SORCS2: variants seen among roughly 807,000 people sequenced by gnomAD.
The protein encoded by SORCS2 is VPS10 domain-containing receptor SorCS2.
In SORCS2, 100 loss-of-function variants were observed where a neutral mutation model predicts 141.6. The observed-to-expected ratio is 0.71, with a 90% CI of 0.60 to 0.83. The LOEUF (loss-of-function observed/expected upper bound fraction) is 0.83, where lower values mean the gene tolerates loss of function less well. SORCS2 is among the 40% of genes least tolerant of loss of function. The pLI, the probability that SORCS2 is intolerant of heterozygous loss-of-function variation, is 0.00. For missense variants in SORCS2, 1,646 were observed against 1,560.2 expected, an observed-to-expected ratio of 1.05 and a Z score of -0.93; for synonymous variants, 789 against 676.9, an observed-to-expected ratio of 1.17 and a Z score of -2.57.
chr4:7,557,535 C>T (rs1278305177), intron 3 of SORCS2, among the ~76,000 whole-genome samples: 1 of 152,158 alleles, frequency 6.6e-6, no homozygotes, highest in Non-Finnish European at 1.5e-5. Context: ...GATGAATAAC[C>T]AACTATGGAG....
At chr4:7,536,829 A>ACG (rs1712161596) in intron 3 of SORCS2, among the ~76,000 whole-genome samples, 1 of 6,406 alleles carries the variant, frequency 1.6e-4, no homozygotes, top group African/African-American at 2.2e-4. Flanking sequence ...CCATACTCAG[A>ACG]TGTGGGGGGG....
At chr4:7,307,065 G>C (rs987683180) in intron 1 of SORCS2, among the ~76,000 whole-genome samples, 6 of 152,216 alleles carry the variant, frequency 3.9e-5, no homozygotes, top group African/African-American at 1.4e-4. Context: ...AAGGGGTCCT[G>C]CTGTGATTGG....
At chr4:7,534,960 G>A (rs899838814) in intron 3 of SORCS2, among the ~76,000 whole-genome samples, 4 of 152,216 alleles carry the variant, frequency 2.6e-5, no homozygotes, top group African/African-American at 9.6e-5. Flanking sequence ...CGAGGCTCCT[G>A]CTCTCCCCTC....
chr4:7,555,245 T>G (rs1714022556), intron 3 of SORCS2, among the ~76,000 whole-genome samples: 1 of 152,252 alleles, frequency 6.6e-6, no homozygotes, highest in Non-Finnish European at 1.5e-5. Flanking sequence ...CTGTCTTGTT[T>G]TAATGGCCAC....
intron 1 of SORCS2, 94 bp from the exon 2 acceptor site, chr4:7,396,194 C>A: frequency 1.6e-6 from 2 of 1,233,704 alleles, no homozygotes; most frequent in East Asian, 2.5e-5. Flanking sequence ...ATTTAGAGAC[C>A]CCAAATTCTG....
rs1327068903 is a variant in SORCS2, at chr4:7,334,945, T to A, written c.481-61343T>A. Among the ~76,000 whole-genome samples, 5 of 151,944 alleles carry A rather than the reference T, an allele frequency of 3.3e-5. No homozygotes were observed. The East Asian group carries it at 9.7e-4, about 29-fold the overall frequency. On this transcript the variant is annotated intron_variant, in intron 1 of 26. Transcript: ENST00000507866. ...GAGGGAAGTGCTCTGAGGCTGAGGA[T>A]TAGGAGACGGGTGTGGAGGGAGGGA...
chr4:7,541,706 A>G (rs1057115104), intron 3 of SORCS2, among the ~76,000 whole-genome samples: 1 of 152,242 alleles, frequency 6.6e-6, no homozygotes, highest in African/African-American at 2.4e-5. Flanking sequence ...GTTGCAGACC[A>G]GAGGCACAGC....
At chr4:7,454,608 C>A (rs1273643047) in intron 2 of SORCS2, among the ~76,000 whole-genome samples, 5 of 99,078 alleles carry the variant, frequency 5.0e-5, no homozygotes, top group South Asian at 4.1e-4. Flanking sequence ...TGGGGTCAGG[C>A]ACTGTGTGTT....
chr4:7,464,296 G>A (rs1337048729), intron 2 of SORCS2, among the ~76,000 whole-genome samples: 1 of 152,204 alleles, frequency 6.6e-6, no homozygotes, highest in African/African-American at 2.4e-5. Context: ...GGAACAGGTG[G>A]GCTCTTTTGT....
At chr4:7,405,434 G>C (rs1724905667) in intron 2 of SORCS2, among the ~76,000 whole-genome samples, 1 of 152,000 alleles carries the variant, frequency 6.6e-6, no homozygotes, top group South Asian at 2.1e-4. Context: ...CCTGTAGATT[G>C]CTTTGGAATG....
At chr4:7,421,857 A>G (rs1163624689) in intron 2 of SORCS2, among the ~76,000 whole-genome samples, 1 of 145,186 alleles carries the variant, frequency 6.9e-6, no homozygotes, top group East Asian at 2.2e-4. Flanking sequence ...GTGGGCTTGC[A>G]GGAGAGGGAG....
At chr4:7,521,893 C>T (rs999362418) in intron 2 of SORCS2, among the ~76,000 whole-genome samples, 29 of 152,324 alleles carry the variant, frequency 1.9e-4, no homozygotes, top group Middle Eastern at 3.4e-3. Flanking sequence ...AGGGACACAG[C>T]GGCTGCGTCT....
At chr4:7,235,373 G>T (rs1485407814) in intron 1 of SORCS2, among the ~76,000 whole-genome samples, 1 of 152,228 alleles carries the variant, frequency 6.6e-6, no homozygotes, top group Non-Finnish European at 1.5e-5. Context: ...GCAGGAACTG[G>T]TAAGACCCTC....
intron 1 of SORCS2, among the ~76,000 whole-genome samples, chr4:7,386,684 T>C (rs1330835356): frequency 6.7e-6 from 1 of 150,244 alleles, no homozygotes; most frequent in East Asian, 2.0e-4. Flanking sequence ...GGTACATGCA[T>C]GCACACATGC....
chr4:7,326,827 C>T (rs1007207098), intron 1 of SORCS2, among the ~76,000 whole-genome samples: 22 of 152,354 alleles, frequency 1.4e-4, no homozygotes, highest in South Asian at 6.2e-4. Context: ...CGCTGCCGGC[C>T]GGAGGTGGGA....
chr4:7,321,505 A>G (rs959565974), intron 1 of SORCS2, among the ~76,000 whole-genome samples: 1 of 152,148 alleles, frequency 6.6e-6, no homozygotes, highest in Non-Finnish European at 1.5e-5. Flanking sequence ...CAAATCAAGA[A>G]CTCAATCCCG....
intron 1 of SORCS2, among the ~76,000 whole-genome samples, chr4:7,329,017 G>A (rs67956860): frequency 0.22 from 34,086 of 152,130 alleles, 4,997 homozygotes; most frequent in African/African-American, 0.42. Flanking sequence ...AGGCCCATGC[G>A]GAGCCCTCAT....
intron 1 of SORCS2, among the ~76,000 whole-genome samples, chr4:7,239,313 G>T (rs1712519858): frequency 6.6e-6 from 1 of 152,266 alleles, no homozygotes; most frequent in South Asian, 2.1e-4. Context: ...CTGGGGCAGG[G>T]CTGTGGCCGG....
chr4:7,663,647 TG>T lies in SORCS2; in HGVS notation c.953-704del, dbSNP rs1189077771. On this transcript the variant is annotated intron_variant, in intron 6 of 26. Transcript: ENST00000507866. The surrounding 1 kb of genome is among the most constrained non-coding windows in gnomAD (Gnocchi z 4.8). Reference sequence around the variant, plus strand: ...GGCTGAGCTTAGGGGTGGGCTTTTCTGGTTTCTAAACGTCTTCCCTTAACCA... The same window carrying T: ...GGCTGAGCTTAGGGGTGGGCTTTTCTGTTTCTAAACGTCTTCCCTTAACCA... Among the ~76,000 whole-genome samples, 1 of 152,244 alleles carries T rather than the reference TG, an allele frequency of 6.6e-6. No individual in the cohort carries two copies. Among genetic ancestry groups the T allele is most frequent in the East Asian group, 1.9e-4 (1 of 5,192 alleles).
Sources: gnomAD v4.1 joint callset for allele counts (sites outside exome capture counted in the v4.1 genomes callset) on GRCh38, gnomAD v4.1.1 for gene constraint, Gnocchi (gnomAD v3.1) non-coding constraint, MANE v1.5 for transcripts, NCBI Gene and HGNC (gene_info 2026-07-23, HGNC 2026-07-21) for gene names.